Variants in CNGB1 observed in about 807,000 individuals in gnomAD.
CNGB1 encodes cyclic nucleotide-gated channel beta-1.
A neutral mutation model predicts 151.7 loss-of-function variants in CNGB1; 126 were observed. The observed-to-expected ratio is 0.83, with a 90% CI of 0.72 to 0.96. CNGB1 has a LOEUF of 0.96. Ranked by LOEUF, CNGB1 falls within the 40% of genes least tolerant of loss-of-function variation. CNGB1 has a pLI of 0.00. For synonymous variants in CNGB1, 623 were observed against 635.1 expected, an observed-to-expected ratio of 0.98 and a Z score of 0.29; for missense variants, 1,698 against 1,627.0, an observed-to-expected ratio of 1.04 and a Z score of -0.75.
At chr16:57,907,864 T>C (rs749411009) in intron 25 of CNGB1, among the ~76,000 whole-genome samples, 1 of 152,072 alleles carries the variant, frequency 6.6e-6, no homozygotes, top group Non-Finnish European at 1.5e-5. Context: ...TCTCAGGGAC[T>C]CCTCTCCTGC....
intron 17 of CNGB1, among the ~76,000 whole-genome samples, chr16:57,924,543 C>G (rs573086363): frequency 6.6e-6 from 1 of 152,162 alleles, no homozygotes; most frequent in African/African-American, 2.4e-5. Flanking sequence ...CACATGAAAC[C>G]AAGAGTCTGG....
chr16:57,928,475 C>T (rs1322670977), intron 17 of CNGB1, among the ~76,000 whole-genome samples: 4 of 152,182 alleles, frequency 2.6e-5, no homozygotes, highest in Non-Finnish European at 5.9e-5. Flanking sequence ...TGGAATGAGA[C>T]AGCACCGTAA....
intron 7 of CNGB1, 64 bp from the exon 8 acceptor site, chr16:57,960,979 C>A: frequency 6.7e-7 from 1 of 1,489,246 alleles, no homozygotes; most frequent in Non-Finnish European, 9.3e-7. Context: ...TAACAGCCCA[C>A]CTCGGGGCCA....
rs146306390 is a variant in CNGB1 at position 57,947,389 on chromosome 16, A to G, written c.1121+1964T>C. The stretch of plus-strand genomic sequence containing the variant: ...CCACACAGAAGCACAGCTCCATAGA[A>G]AGCAGAGGGCAAACAAGCTGCTCTA... On this transcript the variant is annotated intron_variant, in intron 14 of 32. Transcript: ENST00000251102. Among the ~76,000 whole-genome samples, 1,384 of 152,274 alleles carry G rather than the reference A, an allele frequency of 9.1e-3. 14 individuals are homozygous for G. Among genetic ancestry groups the G allele is most frequent in the Non-Finnish European group, 0.015 (1,036 of 68,016 alleles).
intron 29 of CNGB1, among the ~76,000 whole-genome samples, chr16:57,899,989 C>T (rs1340829603): frequency 6.6e-6 from 1 of 152,192 alleles, no homozygotes; most frequent in African/African-American, 2.4e-5. Flanking sequence ...TTAAAGCAAA[C>T]TCTGCATCAC....
intron 11 of CNGB1, 21 bp downstream of exon 11, chr16:57,958,389 C>T (rs760082204): frequency 4.3e-6 from 7 of 1,611,958 alleles, no homozygotes; most frequent in South Asian, 2.2e-5. Flanking sequence ...AGGGCCACCA[C>T]TCCATGAGCC....
chr16:57,903,822 C>T lies in CNGB1; in HGVS notation c.2794G>A (p.Asp932Asn). 9.9e-6 allele frequency: 16 copies of T among 1,614,102 alleles called. No homozygotes were observed. Among genetic ancestry groups the T allele is most frequent in the Non-Finnish European group, 1.4e-5 (16 of 1,180,026 alleles). ...EYTWHSQGMLDESELMVQLPD... is the reference protein window; with the variant it reads ...EYTWHSQGMLNESELMVQLPD... ...GGCTGCCAGGGCGTGACCATCTTACCCAGCATGCCTTGCGAGTGCCAGGTG... is the reference window on the plus strand; with the variant it reads ...GGCTGCCAGGGCGTGACCATCTTACTCAGCATGCCTTGCGAGTGCCAGGTG... Residue 932 changes from aspartate (D) to asparagine (N), a missense_variant and splice_region_variant, in exon 27 of 33, where the codon GAT (aspartate) becomes AAT (asparagine). Coordinates refer to ENST00000251102, the MANE Select transcript of CNGB1 (RefSeq NM_001297.5).
chr16:57,903,182 T>C (rs552570452), intron 27 of CNGB1, among the ~76,000 whole-genome samples: 1 of 145,856 alleles, frequency 6.9e-6, no homozygotes, highest in East Asian at 2.0e-4. Context: ...AAAGTCCTTC[T>C]TCCTTTTTTT....
At chr16:57,908,384 G>C (rs1201369381) in intron 25 of CNGB1, among the ~76,000 whole-genome samples, 1 of 152,268 alleles carries the variant, frequency 6.6e-6, no homozygotes, top group East Asian at 1.9e-4. Context: ...GGGCCTGGGG[G>C]TAGACAGCTG....
At chr16:57,913,509 C>T (rs1960788617) in intron 23 of CNGB1, among the ~76,000 whole-genome samples, 1 of 152,132 alleles carries the variant, frequency 6.6e-6, no homozygotes, top group African/African-American at 2.4e-5. Context: ...GAGACAGAGT[C>T]TCACTCTGTC....
intron 18 of CNGB1, among the ~76,000 whole-genome samples, chr16:57,921,395 T>C (rs1961032451): frequency 6.6e-6 from 1 of 151,974 alleles, no homozygotes. Flanking sequence ...CTAATTTTTG[T>C]AGTTTTAGTA....
rs750979647 is a variant in CNGB1 at position 57,949,382 on chromosome 16, CTCCTCT to C, written c.1086_1091del (p.Glu370_Glu371del). On this transcript the variant is annotated inframe_deletion, in exon 14 of 33. Transcript: ENST00000251102. ...TCACCTCCTCCTCTTCCTCCTCCTC[CTCCTCT>C]TCCTCTTCCTCCTCCTCATCTTCTT... The C allele has an allele frequency of 1.1e-4, 181 of 1,612,962 alleles. No homozygotes were observed. Among genetic ancestry groups the C allele is most frequent in the Middle Eastern group, 8.2e-4 (5 of 6,082 alleles).
chr16:57,899,037 TG>T (rs1224488636), intron 29 of CNGB1, among the ~76,000 whole-genome samples: 2 of 152,080 alleles, frequency 1.3e-5, no homozygotes, highest in Non-Finnish European at 2.9e-5. Flanking sequence ...CCAGAGGATG[TG>T]AGGAGACACA....
Position 57,887,980 on chromosome 16 carries a change from G to T in CNGB1, c.3337C>A (p.Leu1113Ile), listed in dbSNP as rs1218592501. The T allele has an allele frequency of 6.2e-7, 1 of 1,614,200 alleles. No homozygotes were observed. The highest frequency in any genetic ancestry group is 1.7e-5 in the Admixed American group (1 of 60,016). Reference sequence around the variant, plus strand: ...CCACCCATCTTTCCTGTCATAGCGAGGGCAGCGTTGAAGAGCTTTGGGGTG... The same window carrying T: ...CCACCCATCTTTCCTGTCATAGCGATGGCAGCGTTGAAGAGCTTTGGGGTG... ...AGTPKLFNAA[L>I]AMTGKMGGKG... The change falls in exon 32 of 33, where the codon CTC becomes ATC. Residue 1113 changes from leucine to isoleucine, a missense_variant. By Grantham distance (5) the Leu-to-Ile change is conservative. Transcript: ENST00000251102.
chr16:57,916,044 A>T, intron 22 of CNGB1, 85 bp downstream of exon 22: 6 of 1,316,060 alleles, frequency 4.6e-6, no homozygotes, highest in Non-Finnish European at 6.6e-6. Flanking sequence ...ACCACATCTC[A>T]TGAACGCCCC....
chr16:57,882,616 A>T lies in CNGB1; in HGVS notation c.*1548T>A, dbSNP rs1369868509. On this transcript the variant is annotated 3_prime_UTR_variant, in exon 33 of 33. Transcript: ENST00000251102. Reference sequence around the variant, plus strand: ...TGTAATTTTATATAAAATGGGCAGGACCTATTGGAATTCCAGGTCCTTTAT... The same window carrying T: ...TGTAATTTTATATAAAATGGGCAGGTCCTATTGGAATTCCAGGTCCTTTAT... The T allele has an allele frequency of 6.6e-6, 1 of 152,068 alleles. No homozygotes were observed. The allele number at this position is 152,068 out of a possible 1,614,324, so 9.4% of individuals were successfully genotyped here. A position where few individuals can be genotyped will look rare whatever the true frequency, so the allele number is the denominator to read the frequency against.
In CNGB1 at chr16:57,958,426, C is replaced by A; in HGVS notation, c.821G>T (p.Gly274Val). 6.3e-7 allele frequency: 1 copy of A among 1,587,066 alleles called. No individual in the cohort carries two copies. The highest frequency in any genetic ancestry group is 8.5e-7 in the Non-Finnish European group (1 of 1,171,172). Residue 274 changes from glycine to valine, a missense_variant, in exon 11 of 33, where the codon GGG becomes GTG. Coordinates refer to ENST00000251102, the MANE Select transcript of CNGB1 (RefSeq NM_001297.5). ...EMALPQPVLH[G>V]KIGEQEPDSP... ...AGCACTGACCTGTTCCCCTATTTTC[C>A]CATGTAGCACTGGCTGCGGCAAGGC... is the stretch of plus-strand genomic sequence containing the variant.
At chr16:57,902,245 AT>A (rs1960411926) in intron 27 of CNGB1, among the ~76,000 whole-genome samples, 2 of 151,554 alleles carry the variant, frequency 1.3e-5, no homozygotes, top group African/African-American at 2.4e-5. Context: ...AATTTTTTGT[AT>A]TTTTAGTAGA....
intron 17 of CNGB1, among the ~76,000 whole-genome samples, chr16:57,924,179 G>C (rs1961123169): frequency 6.6e-6 from 1 of 152,040 alleles, no homozygotes; most frequent in East Asian, 1.9e-4. Flanking sequence ...ATTTTATGTT[G>C]GTATCTTAGG....
Sources: allele counts gnomAD v4.1 joint callset (sites outside exome capture counted in the v4.1 genomes callset), GRCh38; gene constraint gnomAD v4.1.1; transcripts MANE v1.5; gene names NCBI Gene and HGNC (gene_info 2026-07-23, HGNC 2026-07-21).